PRKDC: variants seen among roughly 807,000 people sequenced by gnomAD.
The protein encoded by PRKDC is protein kinase, DNA-activated, catalytic subunit, also known as DNA-dependent protein kinase catalytic subunit.
In PRKDC, 82 loss-of-function variants were observed where a neutral mutation model predicts 486.9. That is an observed-to-expected ratio of 0.17 (90% confidence interval 0.14 to 0.20). PRKDC has a LOEUF of 0.20. PRKDC is among the 10% of genes least tolerant of loss of function. PRKDC has a pLI of 1.00. For missense variants in PRKDC, 4,504 were observed against 5,038.2 expected (o/e 0.89, Z 3.21); for synonymous variants, 1,895 against 1,837.0 (o/e 1.03, Z -0.81).
chr8:47,907,186 A>G (rs1418743588), intron 25 of PRKDC, among the ~76,000 whole-genome samples: 11 of 150,398 alleles, frequency 7.3e-5, no homozygotes, highest in African/African-American at 2.2e-4. Flanking sequence ...GACTACAGGC[A>G]CCCGCCACCA....
At chr8:47,788,510 C>G (rs902952115) in intron 76 of PRKDC, among the ~76,000 whole-genome samples, 2 of 152,208 alleles carry the variant, frequency 1.3e-5, no homozygotes, top group African/African-American at 4.8e-5. Context: ...CTCCATGTAT[C>G]TCCTGAGCAC....
chr8:47,932,645 C>G (rs1387353980), intron 16 of PRKDC, among the ~76,000 whole-genome samples: 1 of 152,188 alleles, frequency 6.6e-6, no homozygotes, highest in African/African-American at 2.4e-5. Context: ...CCTTGTACCA[C>G]AATTTGGAGT....
intron 69 of PRKDC, 67 bp from the exon 70 acceptor site, chr8:47,803,547 G>A (rs2087153586): frequency 1.6e-5 from 24 of 1,485,094 alleles, no homozygotes; most frequent in Non-Finnish European, 2.3e-5. Flanking sequence ...GTTTCTAATT[G>A]GCCTGCTTCC....
At position 47,788,889 on chromosome 8, in the gene PRKDC, G is replaced by T. The variant is rs1444868488; in HGVS notation, c.10902+17C>A. 1.3e-6 allele frequency: 2 copies of T among 1,543,804 alleles called. No homozygotes were observed. The highest frequency in any genetic ancestry group is 1.7e-6 in the Non-Finnish European group (2 of 1,149,758). On this transcript the variant is annotated intron_variant, in intron 76 of 85. Coordinates refer to ENST00000314191, the MANE Select transcript of PRKDC (RefSeq NM_006904.7). ...AACGACTCTGCTATCAAAATAGCAGGCTGTGCCAGTCCATACCTGAATAAA... is the reference window on the plus strand; with the variant it reads ...AACGACTCTGCTATCAAAATAGCAGTCTGTGCCAGTCCATACCTGAATAAA...
At chr8:47,836,646 A>G in intron 57 of PRKDC, 119 bp from the exon 58 acceptor site, 1 of 916,400 alleles carries the variant, frequency 1.1e-6, no homozygotes, top group Non-Finnish European at 1.6e-6. Context: ...TTTGTACCAT[A>G]ACTTCATATG....
chr8:47,840,334 T>C, intron 54 of PRKDC, 145 bp from the exon 55 acceptor site: 1 of 626,960 alleles, frequency 1.6e-6, no homozygotes, highest in South Asian at 2.4e-5. Context: ...ATTCTTAAAA[T>C]GATCATGGAC....
chr8:47,884,051 C>A (rs932028181), intron 36 of PRKDC, among the ~76,000 whole-genome samples: 1 of 152,266 alleles, frequency 6.6e-6, no homozygotes, highest in Non-Finnish European at 1.5e-5. Flanking sequence ...TGAAAGTATT[C>A]AGAGGGAAAG....
chr8:47,807,084 C>A (rs2087227861), intron 69 of PRKDC, 53 bp downstream of exon 69: 3 of 1,532,986 alleles, frequency 2.0e-6, no homozygotes, highest in African/African-American at 1.4e-5. Context: ...TAGAGAAAAG[C>A]TAATTTAGCA....
At chr8:47,837,071 C>A in intron 57 of PRKDC, 141 bp downstream of exon 57, 1 of 931,408 alleles carries the variant, frequency 1.1e-6, no homozygotes, top group Non-Finnish European at 1.6e-6. Flanking sequence ...GTGGCTGAAG[C>A]AGAGGCACGA....
In PRKDC at chr8:47,864,679, G is replaced by A. The variant is rs1164868592; in HGVS notation, c.5448C>T (p.Arg1816=). ...RKDDPRLSFT[R]QSFVDRSLLT... ...GGAGGGAGCGGTCCACAAAGGACTG[G>A]CGTGTGAAACTTAGGCGGGGGTCAT... Residue 1816 remains arginine (R), a synonymous_variant, in exon 41 of 86, where the codon CGC becomes CGT. Coordinates refer to ENST00000314191, the MANE Select transcript of PRKDC (RefSeq NM_006904.7). 1 of 1,608,170 alleles carries A rather than the reference G, an allele frequency of 6.2e-7. No individual in the cohort carries two copies. The highest frequency in any genetic ancestry group is 1.3e-5 in the African/African-American group (1 of 74,824).
At chr8:47,845,837 C>T (rs900115089) in intron 54 of PRKDC, among the ~76,000 whole-genome samples, 6 of 152,128 alleles carry the variant, frequency 3.9e-5, no homozygotes, top group African/African-American at 1.4e-4. Flanking sequence ...TTCTCTGAAG[C>T]CAGCATCATC....
intron 31 of PRKDC, 106 bp from the exon 32 acceptor site, chr8:47,890,586 A>C (rs986246239): frequency 6.4e-6 from 5 of 784,120 alleles, no homozygotes; most frequent in Admixed American, 6.3e-5. Flanking sequence ...GTTCAGCAAA[A>C]ATTCAAAATT....
At chr8:47,795,033 T>C (rs1589700697) in intron 73 of PRKDC, among the ~76,000 whole-genome samples, 1 of 148,714 alleles carries the variant, frequency 6.7e-6, no homozygotes, top group African/African-American at 2.5e-5. Context: ...GGACTACAGG[T>C]GCGCCACCAT....
chr8:47,833,694 G>C lies in PRKDC; in HGVS notation c.8152+502C>G, dbSNP rs559597349. Among the ~76,000 whole-genome samples, 3 of 152,222 alleles carry C rather than the reference G, an allele frequency of 2.0e-5. No individual in the cohort carries two copies. In the East Asian group the frequency reaches 5.8e-4, roughly 29 times the overall value. On this transcript the variant is annotated intron_variant, in intron 59 of 85. Coordinates refer to ENST00000314191, the MANE Select transcript of PRKDC (RefSeq NM_006904.7). ...CACAGCACCCTTTGCCGTTACTCTA[G>C]CATGCCCCGAAGCGTCCCTTCACCT...
chr8:47,888,780 A>G (rs2089391415), intron 33 of PRKDC, 130 bp from the exon 34 acceptor site: 2 of 1,323,326 alleles, frequency 1.5e-6, no homozygotes, highest in African/African-American at 1.5e-5. Flanking sequence ...ACACGCACTA[A>G]GCTAGCATGG....
intron 67 of PRKDC, among the ~76,000 whole-genome samples, chr8:47,818,496 A>G (rs551614599): frequency 1.1e-4 from 17 of 148,560 alleles, no homozygotes; most frequent in African/African-American, 4.2e-4. Context: ...GGAGAATGGC[A>G]TGAACCCGGG....
chr8:47,895,482 G>A (rs558974779), intron 30 of PRKDC, among the ~76,000 whole-genome samples: 1 of 152,310 alleles, frequency 6.6e-6, no homozygotes, highest in East Asian at 1.9e-4. Context: ...AGAAATGCCT[G>A]AGATCAGTAC....
At position 47,954,809 on chromosome 8, in the gene PRKDC, CA is replaced by C. The variant is rs555001474; in HGVS notation, c.400-364del. On this transcript the variant is annotated intron_variant, in intron 4 of 85. Coordinates refer to ENST00000314191, the MANE Select transcript of PRKDC (RefSeq NM_006904.7). ...ACAAAGGAATTCTAAAATACAAATA[CA>C]AAAAAAACAGAAACAGGTCACAGTG... Among the ~76,000 whole-genome samples, 1,371 of 151,896 alleles carry C rather than the reference CA, an allele frequency of 9.0e-3. 16 individuals are homozygous for C. The highest frequency in any genetic ancestry group is 0.014 in the Middle Eastern group (4 of 292).
At chr8:47,810,439 A>G (rs2087302979) in intron 68 of PRKDC, among the ~76,000 whole-genome samples, 1 of 152,260 alleles carries the variant, frequency 6.6e-6, no homozygotes, top group African/African-American at 2.4e-5. Flanking sequence ...AAAACAGTAT[A>G]CATAAGGTTT....
Sources: gnomAD v4.1 joint callset for allele counts (sites outside exome capture counted in the v4.1 genomes callset) on GRCh38, gnomAD v4.1.1 for gene constraint, MANE v1.5 for transcripts, NCBI Gene and HGNC (gene_info 2026-07-23, HGNC 2026-07-21) for gene names.